The following HBP1 variants were observed in gnomAD, a reference collection of about 807,000 sequenced individuals.
HBP1 encodes HMG box-containing protein 1.
HBP1 carries 20 observed loss-of-function variants against 62.6 expected under a neutral mutation model. That is an observed-to-expected ratio of 0.32 (90% confidence interval 0.22 to 0.46). The LOEUF is 0.46. HBP1 is among the 20% of genes least tolerant of loss of function. The pLI is 1.00. For synonymous variants in HBP1, 232 were observed against 206.2 expected (o/e 1.12, Z -1.07); for missense variants, 480 against 611.8 (o/e 0.78, Z 2.27).
rs746984593 is a variant in HBP1 at position 107,201,580 on chromosome 7, ATGAG to A, written c.*154_*157del. 60 of 463,222 alleles carry A rather than the reference ATGAG, an allele frequency of 1.3e-4. No homozygotes were observed. The highest frequency in any genetic ancestry group is 2.3e-4 in the Non-Finnish European group (57 of 251,872). The allele number at this position is 463,222 out of a possible 1,614,324, so 28.7% of individuals were successfully genotyped here. On this transcript the variant is annotated 3_prime_UTR_variant, in exon 11 of 11. Transcript: ENST00000222574. The stretch of plus-strand genomic sequence containing the variant: ...TTGAGTCTTGAAATGATTTAATAAT[ATGAG>A]TGAGGATTTGCTTTCTCCATTAGAG...
chr7:107,193,134 C>T (rs1241410218), intron 8 of HBP1: 2 of 152,126 alleles, frequency 1.3e-5, no homozygotes, highest in African/African-American at 4.8e-5. Context: ...AGAATTGAGG[C>T]CAACCTTCTA....
chr7:107,186,870 C>CT (rs1797403284), intron 6 of HBP1, among the ~76,000 whole-genome samples, 189 bp downstream of exon 6: 1 of 152,188 alleles, frequency 6.6e-6, no homozygotes, highest in African/African-American at 2.4e-5. Context: ...GTTTGCCTTT[C>CT]TAACATGCTT....
intron 1 of HBP1, among the ~76,000 whole-genome samples, chr7:107,171,177 C>T (rs1407978021): frequency 6.8e-6 from 1 of 147,880 alleles, no homozygotes; most frequent in African/African-American, 2.5e-5. Flanking sequence ...TCAAGCGATT[C>T]TCTTGCCTCA....
At chr7:107,186,702 A>C (rs1797392801) in intron 6 of HBP1, 21 bp downstream of exon 6, 1 of 1,413,848 alleles carries the variant, frequency 7.1e-7, no homozygotes, top group Non-Finnish European at 9.9e-7. Flanking sequence ...AATTCTTAAA[A>C]AATTTTTCAA....
At chr7:107,194,402 T>A (rs1256650549) in intron 8 of HBP1, among the ~76,000 whole-genome samples, 1 of 152,240 alleles carries the variant, frequency 6.6e-6, no homozygotes, top group Non-Finnish European at 1.5e-5. Flanking sequence ...GGGCTGAAGA[T>A]ATCTTACAAA....
At chr7:107,171,246 A>G (rs1226328035) in intron 1 of HBP1, among the ~76,000 whole-genome samples, 1 of 150,204 alleles carries the variant, frequency 6.7e-6, no homozygotes, top group African/African-American at 2.5e-5. Context: ...ATTTTTTTGT[A>G]TTTTTAATAG....
intron 8 of HBP1, chr7:107,193,058 A>T (rs942805494): frequency 6.6e-6 from 1 of 152,184 alleles, no homozygotes; most frequent in Admixed American, 6.5e-5. Context: ...AGAAGTCAGC[A>T]ATCAGTTGAT....
intron 7 of HBP1, 88 bp from the exon 8 acceptor site, chr7:107,190,079 ATTTTAT>A (rs1236037795): frequency 1.0e-5 from 9 of 892,846 alleles, no homozygotes; most frequent in African/African-American, 5.1e-5. Context: ...TAGCAATAAC[ATTTTAT>A]TTTTAAGATA....
intron 9 of HBP1, 136 bp from the exon 10 acceptor site, chr7:107,200,024 G>A: frequency 1.6e-6 from 1 of 627,226 alleles, no homozygotes; most frequent in Non-Finnish European, 2.6e-6. Context: ...TTATGGCCTT[G>A]ACCTTTTCCC....
intron 6 of HBP1, among the ~76,000 whole-genome samples, chr7:107,187,737 G>C (rs1189036723): frequency 2.6e-5 from 4 of 152,236 alleles, no homozygotes; most frequent in African/African-American, 9.6e-5. Flanking sequence ...TCTAGGAAGA[G>C]AGACGTCGTT....
chr7:107,178,265 T>C (rs188517500), intron 1 of HBP1, among the ~76,000 whole-genome samples: 1 of 152,304 alleles, frequency 6.6e-6, no homozygotes, highest in African/African-American at 2.4e-5. Flanking sequence ...CCCTTCAGTC[T>C]ACCCTAAGTA....
Position 107,169,087 on chromosome 7 carries a change from G to A in HBP1, c.-114G>A. On this transcript the variant is annotated 5_prime_UTR_variant, in exon 1 of 11. Transcript: ENST00000222574. ...TGCCGCGGGAGCAGTAACCCGCGCGGGGGAGGCCGACGTCGGTCGGAGAGG... is the reference window on the plus strand; with the variant it reads ...TGCCGCGGGAGCAGTAACCCGCGCGAGGGAGGCCGACGTCGGTCGGAGAGG... 7.8e-7 allele frequency: 1 copy of A among 1,286,260 alleles called. No individual in the cohort carries two copies. The highest frequency in any genetic ancestry group is 1.2e-5 in the South Asian group (1 of 80,684). 79.7% of individuals were successfully genotyped at this position (1,286,260 alleles called of 1,614,324 possible). A position where few individuals can be genotyped will look rare whatever the true frequency, so the allele number is the denominator to read the frequency against.
Position 107,200,293 on chromosome 7 carries a change from A to G in HBP1, c.1519A>G (p.Thr507Ala), listed in dbSNP as rs371223865. Residue 507 changes from threonine (T) to alanine (A), a missense_variant, in exon 10 of 11, where the codon ACC becomes GCC. Physicochemically the swap from Thr to Ala is moderately conservative, Grantham distance 58 (BLOSUM62 0). This residue lies in a region of HBP1 where 52 missense variants were observed against 96.0 expected (regional missense o/e 0.54). Transcript: ENST00000222574. ...LNPDCWKRKRTNSGSQQH is the reference protein window; with the variant it reads ...LNPDCWKRKRANSGSQQH ...TCCTGACTGTTGGAAGAGGAAAAGA[A>G]CCAATTCAGTATGTTTCAATAAATA... 38 of 1,612,350 alleles carry G rather than the reference A, an allele frequency of 2.4e-5. No individual in the cohort carries two copies. The East Asian group carries it at 2.5e-4, about 10-fold the overall frequency.
intron 1 of HBP1, among the ~76,000 whole-genome samples, chr7:107,175,280 G>T (rs968153988): frequency 6.6e-6 from 1 of 152,028 alleles, no homozygotes; most frequent in Admixed American, 6.5e-5. Flanking sequence ...TACATTGAAG[G>T]TTTGCTTTGT....
intron 9 of HBP1, among the ~76,000 whole-genome samples, chr7:107,199,956 C>CAT (rs1383547068): frequency 6.6e-6 from 1 of 152,228 alleles, no homozygotes; most frequent in Non-Finnish European, 1.5e-5. Flanking sequence ...TTGAATACTT[C>CAT]ATGCTGCTGA....
intron 1 of HBP1, chr7:107,170,210 G>C (rs865933239): frequency 9.7e-6 from 8 of 821,336 alleles, no homozygotes; most frequent in South Asian, 5.5e-5. Context: ...CTTAGAAAAG[G>C]AGTTATACAT....
At chr7:107,176,074 G>A (rs895146177) in intron 1 of HBP1, among the ~76,000 whole-genome samples, 3 of 148,830 alleles carry the variant, frequency 2.0e-5, no homozygotes, top group African/African-American at 7.4e-5. Flanking sequence ...TGCCCAAGCT[G>A]TAGTGCAGTG....
intron 6 of HBP1, among the ~76,000 whole-genome samples, chr7:107,186,994 T>G (rs1797409999): frequency 6.6e-6 from 1 of 152,236 alleles, no homozygotes; most frequent in Non-Finnish European, 1.5e-5. Context: ...GGCTCATGCC[T>G]GTAATCCCAG....
chr7:107,187,902 C>T (rs886826528), intron 6 of HBP1, among the ~76,000 whole-genome samples: 5 of 152,206 alleles, frequency 3.3e-5, no homozygotes, highest in African/African-American at 9.6e-5. Context: ...AAGATTTTGC[C>T]CCCTTCACTT....
Sources: gnomAD v4.1 joint callset for allele counts (sites outside exome capture counted in the v4.1 genomes callset) on GRCh38, gnomAD v4.1.1 for gene constraint, gnomAD v4.1.1 regional missense constraint, MANE v1.5 for transcripts, NCBI Gene and HGNC (gene_info 2026-07-23, HGNC 2026-07-21) for gene names.